ARHGAP44: variants seen among roughly 807,000 people sequenced by gnomAD.
ARHGAP44 encodes the protein rho GTPase-activating protein 44.
Under a neutral mutation model 106.8 loss-of-function variants are expected in ARHGAP44, and 43 were observed. The observed-to-expected ratio is 0.40, with a 90% CI of 0.32 to 0.52. ARHGAP44 has a LOEUF of 0.52. Ranked by LOEUF, ARHGAP44 falls within the 20% of genes least tolerant of loss-of-function variation. ARHGAP44 has a pLI of 0.48. For synonymous variants in ARHGAP44, 439 were observed against 410.3 expected (o/e 1.07, Z -0.85); for missense variants, 866 against 1,050.5 (o/e 0.82, Z 2.43).
At chr17:12,967,827 G>A (rs1178898476) in intron 16 of ARHGAP44, among the ~76,000 whole-genome samples, 4 of 152,096 alleles carry the variant, frequency 2.6e-5, no homozygotes, top group African/African-American at 9.7e-5. Context: ...GCATCAACGA[G>A]CCATTTATAG....
intron 1 of ARHGAP44, among the ~76,000 whole-genome samples, chr17:12,801,613 A>G (rs2034094980): frequency 6.6e-6 from 1 of 152,230 alleles, no homozygotes; most frequent in Non-Finnish European, 1.5e-5. Flanking sequence ...ACATTTGCAC[A>G]ATTGTAACTA....
Position 12,789,732 on chromosome 17 carries a change from C to CCGCCGT in ARHGAP44, c.-102_-97dup. The CCGCCGT allele has an allele frequency of 1.8e-6, 2 of 1,101,532 alleles. No homozygotes were observed. Among genetic ancestry groups the CCGCCGT allele is most frequent in the Non-Finnish European group, 2.4e-6 (2 of 839,140 alleles). 68.2% of individuals were successfully genotyped at this position (1,101,532 alleles called of 1,614,324 possible). A position where few individuals can be genotyped will look rare whatever the true frequency, so the allele number is the denominator to read the frequency against. ...GGCGCCCGGAGGCTCCGCAGTGCCG[C>CCGCCGT]CGCCGTCGCCCGGGAGGCTCCGCGC... On this transcript the variant is annotated 5_prime_UTR_variant, in exon 1 of 21. Transcript: ENST00000379672.
intron 6 of ARHGAP44, among the ~76,000 whole-genome samples, chr17:12,926,287 C>T (rs1219153802): frequency 6.6e-6 from 1 of 151,410 alleles, no homozygotes; most frequent in Non-Finnish European, 1.5e-5. Flanking sequence ...ATCGCTTGAA[C>T]CCAGGAGGTG....
chr17:12,846,722 C>T (rs1305749652), intron 1 of ARHGAP44, among the ~76,000 whole-genome samples: 6 of 152,120 alleles, frequency 3.9e-5, no homozygotes, highest in Admixed American at 2.0e-4. Flanking sequence ...TCATTCATGA[C>T]GTAAATATAT....
At chr17:12,894,113 A>G (rs1405939855) in intron 1 of ARHGAP44, among the ~76,000 whole-genome samples, 1 of 152,044 alleles carries the variant, frequency 6.6e-6, no homozygotes, top group Non-Finnish European at 1.5e-5. Context: ...GTCTTTGATC[A>G]TTGCAATAGT....
At chr17:12,970,232 G>A (rs1365012994) in intron 16 of ARHGAP44, among the ~76,000 whole-genome samples, 1 of 151,938 alleles carries the variant, frequency 6.6e-6, no homozygotes, top group Non-Finnish European at 1.5e-5. Flanking sequence ...CAGATGTGGT[G>A]GCATGTGCCT....
At chr17:12,851,102 G>T (rs1026289485) in intron 1 of ARHGAP44, among the ~76,000 whole-genome samples, 1 of 152,222 alleles carries the variant, frequency 6.6e-6, no homozygotes. Context: ...AGCAGAATGT[G>T]ACTTGGAACA....
chr17:12,856,106 A>G (rs953652516), intron 1 of ARHGAP44, among the ~76,000 whole-genome samples: 3 of 152,216 alleles, frequency 2.0e-5, no homozygotes, highest in Non-Finnish European at 4.4e-5. Context: ...AGGCTTCTCC[A>G]TAGCTGAGGG....
At chr17:12,980,364 A>G (rs2039802257) in intron 19 of ARHGAP44, 131 bp downstream of exon 19, 3 of 1,015,056 alleles carry the variant, frequency 3.0e-6, no homozygotes, top group South Asian at 1.8e-5. Flanking sequence ...CCATCTGGAC[A>G]TTAGAGCTTT....
Position 12,852,731 on chromosome 17 carries a change from C to G in ARHGAP44, c.54-42209C>G, listed in dbSNP as rs149604752. ...TAATTTTTCGTATTTTTAGTAGAGA[C>G]GGGGTTTCACCATGTTAGCCAGAAT... On this transcript the variant is annotated intron_variant, in intron 1 of 20. Coordinates refer to ENST00000379672, the MANE Select transcript of ARHGAP44 (RefSeq NM_014859.6). 8.1e-3 allele frequency among the ~76,000 whole-genome samples: 1,230 copies of G among 152,026 alleles called. 25 individuals carry two copies. The highest frequency in any genetic ancestry group is 0.029 in the African/African-American group (1,186 of 41,472).
intron 1 of ARHGAP44, among the ~76,000 whole-genome samples, chr17:12,814,247 T>TG (rs2034527814): frequency 6.9e-6 from 1 of 145,538 alleles, no homozygotes; most frequent in Admixed American, 6.8e-5. Flanking sequence ...TTTTTTTTTT[T>TG]TTTTTTTTTT....
chr17:12,798,227 A>G (rs900795908), intron 1 of ARHGAP44, among the ~76,000 whole-genome samples: 4 of 152,194 alleles, frequency 2.6e-5, no homozygotes. Flanking sequence ...GGACTTATAG[A>G]ACAATGTTAA....
chr17:12,870,587 A>G (rs537047383), intron 1 of ARHGAP44, among the ~76,000 whole-genome samples: 1 of 152,284 alleles, frequency 6.6e-6, no homozygotes, highest in South Asian at 2.1e-4. Context: ...GTATCAGCCC[A>G]CTTAGCCTGA....
intron 1 of ARHGAP44, among the ~76,000 whole-genome samples, chr17:12,881,047 T>G (rs1433065962): frequency 1.3e-5 from 2 of 152,134 alleles, no homozygotes; most frequent in African/African-American, 4.8e-5. Context: ...CTTTAAAAAG[T>G]GCTGATCTTT....
At chr17:12,883,548 G>A (rs2150902700) in intron 1 of ARHGAP44, among the ~76,000 whole-genome samples, 1 of 147,164 alleles carries the variant, frequency 6.8e-6, no homozygotes, top group East Asian at 2.2e-4. Context: ...TTGATATACA[G>A]TATTTTCATT....
At chr17:12,814,635 A>T (rs1023164249) in intron 1 of ARHGAP44, among the ~76,000 whole-genome samples, 1 of 152,086 alleles carries the variant, frequency 6.6e-6, no homozygotes, top group Non-Finnish European at 1.5e-5. Flanking sequence ...GCAAGTTCAT[A>T]TATTGATGGG....
At chr17:12,919,525 A>G (rs2038014427) in intron 5 of ARHGAP44, among the ~76,000 whole-genome samples, 1 of 151,912 alleles carries the variant, frequency 6.6e-6, no homozygotes, top group Admixed American at 6.6e-5. Context: ...AACTGGAATT[A>G]CAGGCGCATG....
At chr17:12,797,725 T>A (rs942035998) in intron 1 of ARHGAP44, among the ~76,000 whole-genome samples, 1 of 152,224 alleles carries the variant, frequency 6.6e-6, no homozygotes, top group South Asian at 2.1e-4. Context: ...TTTTCTTGAC[T>A]GTGCTCATTT....
intron 16 of ARHGAP44, among the ~76,000 whole-genome samples, chr17:12,965,784 C>T (rs182616416): frequency 1.3e-5 from 2 of 152,240 alleles, no homozygotes; most frequent in Admixed American, 1.3e-4. Context: ...AACCAGTGCC[C>T]CAAGGGACTT....
Sources: allele counts gnomAD v4.1 joint callset (sites outside exome capture counted in the v4.1 genomes callset), GRCh38; gene constraint gnomAD v4.1.1; transcripts MANE v1.5; gene names NCBI Gene and HGNC (gene_info 2026-07-23, HGNC 2026-07-21).